The following LSP1 variants were observed in gnomAD, a reference collection of about 807,000 sequenced individuals.
The protein encoded by LSP1 is lymphocyte-specific protein 1.
In LSP1, 32 loss-of-function variants were observed where a neutral mutation model predicts 49.3. That is an observed-to-expected ratio of 0.65 (90% CI 0.49 to 0.87). LSP1 has a LOEUF of 0.87. LSP1 is among the 40% of genes least tolerant of loss of function. The pLI, the probability that LSP1 is intolerant of heterozygous loss-of-function variation, is 0.00. For synonymous variants in LSP1, 179 were observed against 178.8 expected (o/e 1.00, Z -0.01); for missense variants, 428 against 442.6 (o/e 0.97, Z 0.30).
At chr11:1,866,374 G>A in intron 1 of LSP1, 1 of 1,084,284 alleles carries the variant, frequency 9.2e-7, no homozygotes, top group Non-Finnish European at 1.3e-6. Flanking sequence ...AGCCAGGGAT[G>A]CCCATGGGGG....
chr11:1,870,538 G>A, intron 1 of LSP1: 1 of 1,168,628 alleles, frequency 8.6e-7, no homozygotes, highest in Non-Finnish European at 1.1e-6. Flanking sequence ...GGGGTGTCAG[G>A]AAGAGGGCCT....
chr11:1,853,419 G>T (rs1847410008), intron 1 of LSP1, among the ~76,000 whole-genome samples: 1 of 152,222 alleles, frequency 6.6e-6, no homozygotes, highest in African/African-American at 2.4e-5. Flanking sequence ...TCTTCCGCCT[G>T]CCTCTGTGCC....
At chr11:1,856,511 C>T (rs1847493886) in intron 1 of LSP1, among the ~76,000 whole-genome samples, 1 of 152,250 alleles carries the variant, frequency 6.6e-6, no homozygotes, top group South Asian at 2.1e-4. Context: ...ATGGACAGGG[C>T]CAGTCCTGGA....
chr11:1,863,112 G>A (rs2137320), intron 1 of LSP1: 54,446 of 152,024 alleles, frequency 0.36, 10,929 homozygotes, highest in East Asian at 0.64. Context: ...CCTGACTCCC[G>A]CAGTCTCCAT....
chr11:1,876,710 T>A, intron 1 of LSP1: 1 of 886,740 alleles, frequency 1.1e-6, no homozygotes, highest in African/African-American at 1.9e-5. Context: ...GACTGGGAGG[T>A]AGAAGTGGGG....
At chr11:1,885,383 T>G (rs1490386566) in intron 7 of LSP1, among the ~76,000 whole-genome samples, 1 of 151,962 alleles carries the variant, frequency 6.6e-6, no homozygotes, top group Admixed American at 6.6e-5. Context: ...ACCAACTCCC[T>G]TCAATCCAAC....
intron 1 of LSP1, among the ~76,000 whole-genome samples, chr11:1,861,929 GGATT>G (rs1209087142): frequency 1.4e-3 from 174 of 122,672 alleles, no homozygotes; most frequent in Non-Finnish European, 1.7e-3. Context: ...ATGGATGGAT[GGATT>G]GATGAGTGGA....
chr11:1,853,229 T>C, intron 1 of LSP1, 32 bp downstream of exon 1: 7 of 1,599,776 alleles, frequency 4.4e-6, no homozygotes, highest in Non-Finnish European at 6.0e-6. Context: ...CGGCGCCCTG[T>C]GCCGTGTCCA....
intron 3 of LSP1, among the ~76,000 whole-genome samples, chr11:1,882,527 G>A (rs974429465): frequency 1.3e-5 from 2 of 151,942 alleles, no homozygotes; most frequent in African/African-American, 2.4e-5. Flanking sequence ...TCCCCCCTAC[G>A]TGCTTGGGAG....
rs1377557151 is a variant in LSP1 at position 1,883,532 on chromosome 11, C to T, written c.470C>T (p.Ala157Val). The change falls in exon 4 of 11, where the codon GCC (alanine) becomes GTC (valine). Residue 157 changes from alanine (A) to valine (V), a missense_variant. Physicochemically the swap from Ala to Val is moderately conservative, Grantham distance 64. Coordinates refer to ENST00000311604, the MANE Select transcript of LSP1 (RefSeq NM_002339.3). Reference sequence around the variant, plus strand: ...GACACTGTCCAGGACAACCTGGGGGCCGCAGGGGCTGAGGAGGAACAGGAG... The same window carrying T: ...GACACTGTCCAGGACAACCTGGGGGTCGCAGGGGCTGAGGAGGAACAGGAG... ...PEDTVQDNLGAAGAEEEQEEH... is the reference protein window; with the variant it reads ...PEDTVQDNLGVAGAEEEQEEH... 6.2e-7 allele frequency: 1 copy of T among 1,613,194 alleles called. No individual in the cohort carries two copies. The highest frequency in any genetic ancestry group is 8.5e-7 in the Non-Finnish European group (1 of 1,179,802).
At chr11:1,862,124 T>C (rs1589807373) in intron 1 of LSP1, among the ~76,000 whole-genome samples, 1 of 150,942 alleles carries the variant, frequency 6.6e-6, no homozygotes, top group African/African-American at 2.4e-5. Flanking sequence ...GATGGGTGGG[T>C]GGATGGGTAA....
intron 1 of LSP1, chr11:1,876,767 G>A (rs1406638686): frequency 6.0e-6 from 3 of 501,750 alleles, no homozygotes; most frequent in African/African-American, 2.1e-5. Context: ...GTCCCGAGTC[G>A]GGGGGTGCTT....
intron 1 of LSP1, chr11:1,870,698 G>T (rs1847961683): frequency 9.8e-7 from 1 of 1,023,798 alleles, no homozygotes; most frequent in Non-Finnish European, 1.2e-6. Flanking sequence ...GAAGCCTCTG[G>T]TTGCGTGGAG....
intron 10 of LSP1, chr11:1,890,414 A>G (rs1012773805): frequency 4.2e-6 from 3 of 717,148 alleles, no homozygotes; most frequent in Non-Finnish European, 7.8e-6. Context: ...CCCTGGGTGG[A>G]GCGAGGTGTG....
intron 1 of LSP1, among the ~76,000 whole-genome samples, chr11:1,859,913 A>T (rs1248748450): frequency 6.6e-6 from 1 of 151,934 alleles, no homozygotes; most frequent in Non-Finnish European, 1.5e-5. Context: ...CACCACCCTG[A>T]CCTCCCCTGT....
chr11:1,891,065 C>T (rs771518230), intron 10 of LSP1: 100 of 159,624 alleles, frequency 6.3e-4, no homozygotes, highest in Non-Finnish European at 1.2e-3. Flanking sequence ...GTCGCCGGCT[C>T]AACCACAGGC....
At chr11:1,891,066 A>G (rs517101) in intron 10 of LSP1, 72,314 of 157,814 alleles carry the variant, frequency 0.46, 17,607 homozygotes, top group East Asian at 0.8. Context: ...TCGCCGGCTC[A>G]ACCACAGGCG....
At chr11:1,874,041 GAGGGAGGCTGGCAGAGC>G (rs1848184382) in intron 1 of LSP1, among the ~76,000 whole-genome samples, 6 of 73,770 alleles carry the variant, frequency 8.1e-5, no homozygotes, top group African/African-American at 2.9e-4. Context: ...GCCGGCAGAG[GAGGGAGGCTGGCAGAGC>G]AGGGAGGCCG....
intron 1 of LSP1, among the ~76,000 whole-genome samples, chr11:1,862,732 C>T (rs897656902): frequency 1.3e-5 from 2 of 151,902 alleles, no homozygotes; most frequent in Non-Finnish European, 2.9e-5. Flanking sequence ...ACCTCACCTC[C>T]CCTGGGTGAC....
Sources: allele counts gnomAD v4.1 joint callset (sites outside exome capture counted in the v4.1 genomes callset), GRCh38; gene constraint gnomAD v4.1.1; transcripts MANE v1.5; gene names NCBI Gene and HGNC (gene_info 2026-07-23, HGNC 2026-07-21).